The following SGPP1 variants were observed in gnomAD, a reference collection of about 807,000 sequenced individuals.
SGPP1 encodes the protein hSPP1.
SGPP1 carries 21 observed loss-of-function variants against 33.0 expected under a neutral mutation model. The observed-to-expected ratio is 0.64, with a 90% CI of 0.45 to 0.92. The LOEUF (loss-of-function observed/expected upper bound fraction) is 0.92, where lower values mean the gene tolerates loss of function less well. Among genes scored for constraint, SGPP1 ranks in the 40% least tolerant of loss-of-function variants. The pLI is 0.00. For synonymous variants in SGPP1, 239 were observed against 241.2 expected (o/e 0.99, Z 0.08); for missense variants, 543 against 589.4 (o/e 0.92, Z 0.81).
chr14:63,718,983 T>TAC (rs1595072201), intron 1 of SGPP1, among the ~76,000 whole-genome samples: 2 of 12,878 alleles, frequency 1.6e-4, no homozygotes, highest in Admixed American at 1.5e-3. Flanking sequence ...TATACATATA[T>TAC]ATATATATAT....
intron 2 of SGPP1, among the ~76,000 whole-genome samples, chr14:63,688,950 T>C (rs1885039448): frequency 1.3e-5 from 2 of 152,276 alleles, no homozygotes; most frequent in Non-Finnish European, 2.9e-5. Flanking sequence ...CTCTATCTCC[T>C]GACCTCGTGA....
At chr14:63,695,467 G>T (rs890642345) in intron 2 of SGPP1, among the ~76,000 whole-genome samples, 3 of 152,180 alleles carry the variant, frequency 2.0e-5, no homozygotes, top group African/African-American at 7.2e-5. Context: ...CATTGTTTTT[G>T]ATTATAAAAG....
chr14:63,722,935 G>A (rs1359192574), intron 1 of SGPP1, among the ~76,000 whole-genome samples: 1 of 147,180 alleles, frequency 6.8e-6, no homozygotes, highest in African/African-American at 2.5e-5. Flanking sequence ...TCGTGCCACT[G>A]TACTCCAGTC....
chr14:63,708,543 C>T (rs1885462383), intron 1 of SGPP1, among the ~76,000 whole-genome samples: 1 of 151,956 alleles, frequency 6.6e-6, no homozygotes, highest in South Asian at 2.1e-4. Flanking sequence ...GGATTACAGG[C>T]ATGAGCCACT....
rs755291803 is a variant in SGPP1, at chr14:63,686,491, T to A, written c.940A>T (p.Thr314Ser). Reference protein sequence around the residue: ...IFSFTLDTWSTSRGDTAEILG... With the variant: ...IFSFTLDTWSSSRGDTAEILG... ...ATCTCGGCTGTGTCTCCTCGGGATG[T>A]GCTCCAGGTGTCAAGAGTGAAAGAA... Residue 314 changes from threonine (T) to serine (S), a missense_variant, in exon 3 of 3, where the codon ACA becomes TCA. By Grantham distance (58) the Thr-to-Ser change is moderately conservative. Transcript: ENST00000247225. 1.1e-5 allele frequency: 17 copies of A among 1,613,996 alleles called. No homozygotes were observed. Among genetic ancestry groups the A allele is most frequent in the Non-Finnish European group, 1.4e-5 (17 of 1,180,026 alleles).
rs1483138817 is a variant in SGPP1, at chr14:63,686,319, A to G, written c.1112T>C (p.Ile371Thr). Reference protein sequence around the residue: ...LFGKAILRILIGMVFVLIIRD... With the variant: ...LFGKAILRILTGMVFVLIIRD... ...GATTATTAGTACAAATACCATCCCT[A>G]TGAGGATCCGCAATATGGCTTTTCC... is the stretch of plus-strand genomic sequence containing the variant. The change falls in exon 3 of 3, where the codon ATA (isoleucine) becomes ACA (threonine). Residue 371 changes from isoleucine (I) to threonine (T), a missense_variant. Physicochemically the swap from Ile to Thr is moderately conservative, Grantham distance 89. Transcript: ENST00000247225. The G allele has an allele frequency of 5.0e-6, 8 of 1,613,942 alleles. No individual in the cohort carries two copies. The highest frequency in any genetic ancestry group is 5.9e-6 in the Non-Finnish European group (7 of 1,179,964).
rs17101357 is a variant in SGPP1, at chr14:63,686,773, C to G, written c.775-117G>C. ...ATATACATAAATTTTTTAAAGTTGT[C>G]AAATTCTCAAAGTAAACTTTATTAA... On this transcript the variant is annotated intron_variant, in intron 2 of 2. Coordinates refer to ENST00000247225, the MANE Select transcript of SGPP1 (RefSeq NM_030791.4). 1,794 of 710,720 alleles carry G rather than the reference C, an allele frequency of 2.5e-3. 18 individuals are homozygous for G. The African/African-American group carries it at 0.028, about 11-fold the overall frequency. The allele number at this position is 710,720 out of a possible 1,614,324, so 44.0% of individuals were successfully genotyped here.
At chr14:63,698,088 C>A (rs1404586840) in intron 2 of SGPP1, among the ~76,000 whole-genome samples, 3 of 152,218 alleles carry the variant, frequency 2.0e-5, no homozygotes, top group African/African-American at 7.2e-5. Flanking sequence ...TCTCAAAACA[C>A]AATGTCCACT....
chr14:63,708,714 TGCTATTCTAAGA>T (rs1252875237), intron 1 of SGPP1, among the ~76,000 whole-genome samples: 1 of 152,244 alleles, frequency 6.6e-6, no homozygotes, highest in East Asian at 1.9e-4. Flanking sequence ...ACATACCAGG[TGCTATTCTAAGA>T]GCTTTTACAA....
intron 1 of SGPP1, among the ~76,000 whole-genome samples, chr14:63,718,000 C>T (rs962491959): frequency 3.3e-5 from 5 of 152,120 alleles, no homozygotes; most frequent in Non-Finnish European, 7.4e-5. Flanking sequence ...AATCCCAACA[C>T]TTTAGGAGGC....
intron 1 of SGPP1, among the ~76,000 whole-genome samples, chr14:63,717,968 G>A (rs567409496): frequency 2.6e-5 from 4 of 152,112 alleles, no homozygotes; most frequent in Non-Finnish European, 4.4e-5. Flanking sequence ...AAAAGTAGCC[G>A]GGCACAGTGG....
chr14:63,721,985 T>C (rs959850722), intron 1 of SGPP1, among the ~76,000 whole-genome samples: 12 of 152,198 alleles, frequency 7.9e-5, no homozygotes, highest in Non-Finnish European at 1.6e-4. Context: ...ACTGCAAGCA[T>C]ACCTTAAAAA....
intron 2 of SGPP1, among the ~76,000 whole-genome samples, chr14:63,697,104 T>C (rs745644824): frequency 3.9e-5 from 6 of 152,186 alleles, no homozygotes; most frequent in East Asian, 1.9e-4. Flanking sequence ...ACAGGATCAA[T>C]AGACGTCCAA....
At chr14:63,715,766 TGCTG>T (rs1885611203) in intron 1 of SGPP1, among the ~76,000 whole-genome samples, 1 of 152,144 alleles carries the variant, frequency 6.6e-6, no homozygotes. Flanking sequence ...CTCATGAAGT[TGCTG>T]GCTGAGTACT....
intron 1 of SGPP1, 28 bp from the exon 2 acceptor site, chr14:63,698,686 T>C: frequency 8.0e-7 from 1 of 1,251,280 alleles, no homozygotes; most frequent in Non-Finnish European, 1.1e-6. Flanking sequence ...TAAAATTAGT[T>C]AAACAAATTT....
intron 1 of SGPP1, among the ~76,000 whole-genome samples, chr14:63,704,847 C>T (rs922255325): frequency 3.9e-5 from 6 of 152,028 alleles, no homozygotes; most frequent in East Asian, 3.9e-4. Flanking sequence ...ACAAATTGGC[C>T]GGGTGTGGCG....
At position 63,701,100 on chromosome 14, in the gene SGPP1, C is replaced by T. The variant is rs564052361; in HGVS notation, c.685-2442G>A. On this transcript the variant is annotated intron_variant, in intron 1 of 2. Coordinates refer to ENST00000247225, the MANE Select transcript of SGPP1 (RefSeq NM_030791.4). ...GACTCAAGCGACCCTCCTACCTCAG[C>T]CTCCAGAGTAGCTGGGACTAGAGGT... Among the ~76,000 whole-genome samples the T allele has an allele frequency of 6.6e-5, 10 of 152,216 alleles. 2 individuals carry two copies. The highest frequency in any genetic ancestry group is 2.2e-4 in the African/African-American group (9 of 41,550).
chr14:63,726,919 A>T (rs1055061315), intron 1 of SGPP1, among the ~76,000 whole-genome samples: 3 of 152,242 alleles, frequency 2.0e-5, no homozygotes, highest in African/African-American at 7.2e-5. Context: ...GCGATTATTT[A>T]AAAAATTCAC....
intron 2 of SGPP1, among the ~76,000 whole-genome samples, chr14:63,689,966 T>C (rs1490848684): frequency 6.6e-6 from 1 of 152,230 alleles, no homozygotes; most frequent in Non-Finnish European, 1.5e-5. Flanking sequence ...TGCTGCATCA[T>C]TATACAATTT....
Sources: gnomAD v4.1 joint callset for allele counts (sites outside exome capture counted in the v4.1 genomes callset) on GRCh38, gnomAD v4.1.1 for gene constraint, MANE v1.5 for transcripts, NCBI Gene and HGNC (gene_info 2026-07-23, HGNC 2026-07-21) for gene names.